DLG2: variants seen among roughly 807,000 people sequenced by gnomAD.
The protein encoded by DLG2 is discs large MAGUK scaffold protein 2.
Under a neutral mutation model 132.5 loss-of-function variants are expected in DLG2, and 45 were observed. The ratio of observed to expected loss-of-function variants is 0.34; its 90% CI spans 0.27 to 0.44. DLG2 has a LOEUF of 0.44. Among genes scored for constraint, DLG2 ranks in the 20% least tolerant of loss-of-function variants. DLG2 has a pLI of 1.00. For synonymous variants in DLG2, 424 were observed against 419.6 expected (o/e 1.01, Z -0.13); for missense variants, 1,045 against 1,196.9 (o/e 0.87, Z 1.87).
intron 13 of DLG2, among the ~76,000 whole-genome samples, chr11:83,964,826 A>G (rs970620481): frequency 1.3e-5 from 2 of 151,940 alleles, no homozygotes; most frequent in African/African-American, 2.4e-5. Context: ...TTACTTGCCA[A>G]TATAACAAAT....
intron 3 of DLG2, among the ~76,000 whole-genome samples, chr11:85,549,581 T>C (rs1012454038): frequency 6.6e-6 from 1 of 152,144 alleles, no homozygotes; most frequent in Admixed American, 6.6e-5. Context: ...CCATCTTGTA[T>C]AGGGGCTAGG....
chr11:84,316,906 G>A (rs780584887), intron 7 of DLG2: 1 of 1,612,730 alleles, frequency 6.2e-7, no homozygotes, highest in Non-Finnish European at 8.5e-7. Context: ...TCTTGTGGGG[G>A]CTTTTCCGCA....
At chr11:84,459,617 G>A (rs1324957392) in intron 7 of DLG2, among the ~76,000 whole-genome samples, 3 of 150,486 alleles carry the variant, frequency 2.0e-5, no homozygotes, top group African/African-American at 4.8e-5. Flanking sequence ...TAAGTTGAAC[G>A]ACATTTGACA....
At chr11:85,072,898 A>G (rs1285730701) in intron 6 of DLG2, among the ~76,000 whole-genome samples, 1 of 151,842 alleles carries the variant, frequency 6.6e-6, no homozygotes, top group Non-Finnish European at 1.5e-5. Context: ...ATTTTGGATG[A>G]TGGGTCAAAA....
At chr11:83,517,374 G>C (rs1368371724) in intron 21 of DLG2, among the ~76,000 whole-genome samples, 2 of 152,156 alleles carry the variant, frequency 1.3e-5, no homozygotes, top group Non-Finnish European at 2.9e-5. Context: ...AGCTCCGTCA[G>C]GTCCTTTATG....
rs145508876 is a variant in DLG2, at chr11:85,078,865, C to T, written c.357+32796G>A. ...TAGAAACAAGATCCTAAATAAAATGCGTTCAAGTTTTGTAAACCAAAAGTA... is the reference window on the plus strand; with the variant it reads ...TAGAAACAAGATCCTAAATAAAATGTGTTCAAGTTTTGTAAACCAAAAGTA... On this transcript the variant is annotated intron_variant, in intron 6 of 27. Coordinates refer to ENST00000376104, the MANE Select transcript of DLG2 (RefSeq NM_001142699.3). Among the ~76,000 whole-genome samples the T allele has an allele frequency of 2.5e-3, 379 of 152,154 alleles. 2 individuals are homozygous for T. The highest frequency in any genetic ancestry group is 4.0e-3 in the Non-Finnish European group (269 of 67,984).
intron 10 of DLG2, among the ~76,000 whole-genome samples, chr11:84,085,272 AT>A (rs1247055493): frequency 6.6e-6 from 1 of 152,110 alleles, no homozygotes; most frequent in Non-Finnish European, 1.5e-5. Context: ...CCCTCAAACC[AT>A]TTTCTTTTGT....
chr11:83,480,727 T>C lies in DLG2; in HGVS notation c.2293+3402A>G, dbSNP rs2093034916. The C allele has an allele frequency of 5.8e-6, 6 of 1,042,640 alleles. No homozygotes were observed. The South Asian group carries it at 8.5e-5, about 15-fold the overall frequency. 64.6% of individuals were successfully genotyped at this position (1,042,640 alleles called of 1,614,324 possible). A position where few individuals can be genotyped will look rare whatever the true frequency, so the allele number is the denominator to read the frequency against. On this transcript the variant is annotated intron_variant, in intron 22 of 27. Transcript: ENST00000376104. ...TGACCCATTCATATACCTCTGACTTTCAAGATTTATGTGACAATGACTAGT... is the reference window on the plus strand; with the variant it reads ...TGACCCATTCATATACCTCTGACTTCCAAGATTTATGTGACAATGACTAGT...
chr11:84,134,144 G>T (rs1265135077), intron 9 of DLG2, among the ~76,000 whole-genome samples: 2 of 152,026 alleles, frequency 1.3e-5, no homozygotes, highest in African/African-American at 2.4e-5. Context: ...CACAGGGAAG[G>T]AATGGGGTGA....
chr11:84,910,102 A>G (rs1196955484), intron 6 of DLG2, among the ~76,000 whole-genome samples: 1 of 152,232 alleles, frequency 6.6e-6, no homozygotes, highest in East Asian at 1.9e-4. Flanking sequence ...AAGGGAGGAA[A>G]TTGGAGGTGG....
intron 7 of DLG2, among the ~76,000 whole-genome samples, chr11:84,468,343 C>T (rs2154488652): frequency 6.6e-6 from 1 of 151,436 alleles, no homozygotes. Flanking sequence ...TTCTGAATTT[C>T]CCAGAGGAAG....
intron 7 of DLG2, among the ~76,000 whole-genome samples, chr11:84,378,177 T>C (rs2098736561): frequency 1.3e-5 from 2 of 152,062 alleles, no homozygotes; most frequent in South Asian, 4.1e-4. Flanking sequence ...GTCATAAGGG[T>C]AGGGCTGTGA....
chr11:83,737,568 C>G (rs578051700), intron 18 of DLG2, among the ~76,000 whole-genome samples: 1 of 152,160 alleles, frequency 6.6e-6, no homozygotes, highest in Non-Finnish European at 1.5e-5. Context: ...AAAGTCCATA[C>G]GATTATAAAC....
At chr11:83,608,154 G>A (rs1295528841) in intron 19 of DLG2, among the ~76,000 whole-genome samples, 21 of 152,164 alleles carry the variant, frequency 1.4e-4, no homozygotes, top group Admixed American at 4.6e-4. Context: ...TAAACCCACT[G>A]TAAGTTGAAA....
At chr11:85,238,069 C>T (rs181486462) in intron 4 of DLG2, among the ~76,000 whole-genome samples, 89 of 151,764 alleles carry the variant, frequency 5.9e-4, no homozygotes, top group African/African-American at 1.5e-3. Flanking sequence ...CAGGTTTGTC[C>T]GCATTAAAAA....
intron 6 of DLG2, among the ~76,000 whole-genome samples, chr11:84,904,199 G>T (rs1012008883): frequency 6.6e-6 from 1 of 152,076 alleles, no homozygotes; most frequent in African/African-American, 2.4e-5. Context: ...GTCTTAAAAT[G>T]TCACACCATT....
intron 9 of DLG2, among the ~76,000 whole-genome samples, chr11:84,124,000 GA>G (rs1337891650): frequency 6.6e-6 from 1 of 152,180 alleles, no homozygotes; most frequent in African/African-American, 2.4e-5. Flanking sequence ...AGTCGGTTGA[GA>G]GCTATTTTGC....
At chr11:84,985,692 G>T (rs189920521) in intron 6 of DLG2, among the ~76,000 whole-genome samples, 51 of 152,088 alleles carry the variant, frequency 3.4e-4, no homozygotes, top group African/African-American at 1.2e-3. Context: ...CAAAAAGCAG[G>T]TTCTTTGAAA....
intron 22 of DLG2, among the ~76,000 whole-genome samples, chr11:83,476,641 G>A (rs993195301): frequency 2.3e-4 from 35 of 152,140 alleles, no homozygotes; most frequent in African/African-American, 8.4e-4. Context: ...AACTTTATAG[G>A]TAGTATGAAA....
Sources: allele counts gnomAD v4.1 joint callset (sites outside exome capture counted in the v4.1 genomes callset), GRCh38; gene constraint gnomAD v4.1.1; transcripts MANE v1.5; gene names NCBI Gene and HGNC (gene_info 2026-07-23, HGNC 2026-07-21).